C8orf34: variants seen among roughly 807,000 people sequenced by gnomAD.
C8orf34 encodes the protein chromosome 8 open reading frame 34.
C8orf34 carries 65 observed loss-of-function variants against 68.3 expected under a neutral mutation model. The ratio of observed to expected loss-of-function variants is 0.95; its 90% CI spans 0.78 to 1.17. C8orf34 has a LOEUF of 1.17. C8orf34 is among the 50% of genes most tolerant of loss of function. C8orf34 has a pLI of 0.00. For synonymous variants in C8orf34, 244 were observed against 241.2 expected, an observed-to-expected ratio of 1.01 and a Z score of -0.11; for missense variants, 664 against 655.4, an observed-to-expected ratio of 1.01 and a Z score of -0.14.
chr8:68,782,873 G>A (rs949790683), intron 11 of C8orf34, among the ~76,000 whole-genome samples: 2 of 151,518 alleles, frequency 1.3e-5, no homozygotes, highest in African/African-American at 2.4e-5. Context: ...TCTGGGCAAC[G>A]GAGAGAGACC....
chr8:68,526,586 A>G (rs1248619212), intron 6 of C8orf34, among the ~76,000 whole-genome samples: 3 of 152,292 alleles, frequency 2.0e-5, no homozygotes, highest in Middle Eastern at 3.4e-3. Context: ...GCTCTTACGC[A>G]TAAAAATCTA....
intron 7 of C8orf34, among the ~76,000 whole-genome samples, chr8:68,536,388 A>G (rs946621948): frequency 8.0e-5 from 12 of 149,594 alleles, no homozygotes; most frequent in South Asian, 4.2e-4. Context: ...AAAAAAGAAG[A>G]AAAAGAAAAG....
intron 1 of C8orf34, among the ~76,000 whole-genome samples, chr8:68,410,454 T>C (rs1809397578): frequency 1.3e-5 from 2 of 152,200 alleles, no homozygotes; most frequent in South Asian, 4.1e-4. Flanking sequence ...TTAAAGTATA[T>C]GGGAGGATGT....
At chr8:68,718,937 C>A (rs1175887114) in intron 9 of C8orf34, among the ~76,000 whole-genome samples, 1 of 152,042 alleles carries the variant, frequency 6.6e-6, no homozygotes, top group Non-Finnish European at 1.5e-5. Flanking sequence ...TAATATTTGA[C>A]AAATTTAGGG....
At chr8:68,722,811 A>T (rs1821712526) in intron 10 of C8orf34, among the ~76,000 whole-genome samples, 1 of 152,054 alleles carries the variant, frequency 6.6e-6, no homozygotes, top group African/African-American at 2.4e-5. Context: ...ATGTATGTTG[A>T]ATGCATAGTT....
intron 8 of C8orf34, among the ~76,000 whole-genome samples, chr8:68,643,008 G>T (rs564869684): frequency 1.3e-5 from 2 of 152,124 alleles, no homozygotes; most frequent in African/African-American, 4.8e-5. Flanking sequence ...CTTGCCTGCC[G>T]CTAACCTCCT....
intron 7 of C8orf34, among the ~76,000 whole-genome samples, chr8:68,604,063 A>G (rs1412102624): frequency 6.6e-6 from 1 of 152,156 alleles, no homozygotes; most frequent in Non-Finnish European, 1.5e-5. Context: ...TAAAAACACC[A>G]TGGAAATTCA....
At chr8:68,668,970 A>G (rs998063663) in intron 8 of C8orf34, among the ~76,000 whole-genome samples, 3 of 152,180 alleles carry the variant, frequency 2.0e-5, no homozygotes, top group African/African-American at 7.2e-5. Context: ...AGCCCAGCCA[A>G]TGACTTGATT....
intron 7 of C8orf34, among the ~76,000 whole-genome samples, chr8:68,621,781 T>G (rs1034177608): frequency 3.9e-5 from 6 of 152,234 alleles, no homozygotes; most frequent in Non-Finnish European, 5.9e-5. Flanking sequence ...CTTCAAGACT[T>G]CACTAAGAAT....
At chr8:68,815,790 A>G in intron 12 of C8orf34, 96 bp from the exon 13 acceptor site, 1 of 1,603,158 alleles carries the variant, frequency 6.2e-7, no homozygotes, top group South Asian at 1.1e-5. Flanking sequence ...ATTTCAATTA[A>G]TCTTCACTAG....
At chr8:68,534,019 G>A (rs945585600) in intron 7 of C8orf34, 1 of 969,852 alleles carries the variant, frequency 1.0e-6, no homozygotes. Context: ...ATAGAATATG[G>A]AATCTCAGAA....
intron 12 of C8orf34, among the ~76,000 whole-genome samples, chr8:68,799,434 T>G (rs1278528793): frequency 6.6e-6 from 1 of 152,214 alleles, no homozygotes; most frequent in Non-Finnish European, 1.5e-5. Flanking sequence ...GTATATTTTT[T>G]GTCACTGCAA....
intron 8 of C8orf34, among the ~76,000 whole-genome samples, chr8:68,687,945 T>C (rs917384890): frequency 2.0e-5 from 3 of 151,434 alleles, no homozygotes; most frequent in African/African-American, 7.3e-5. Flanking sequence ...AAAAAAATAA[T>C]AATTCCATCA....
At chr8:68,599,211 C>T (rs568863127) in intron 7 of C8orf34, among the ~76,000 whole-genome samples, 27 of 151,816 alleles carry the variant, frequency 1.8e-4, no homozygotes, top group Non-Finnish European at 2.9e-4. Flanking sequence ...GCTAAATATA[C>T]GTTTCTGAGA....
At chr8:68,413,769 T>A (rs1809544263) in intron 1 of C8orf34, among the ~76,000 whole-genome samples, 1 of 152,236 alleles carries the variant, frequency 6.6e-6, no homozygotes, top group Non-Finnish European at 1.5e-5. Flanking sequence ...AGTTCACTAG[T>A]TTCTGAAGAG....
chr8:68,345,512 C>T (rs1049850451), intron 1 of C8orf34, among the ~76,000 whole-genome samples: 2 of 151,904 alleles, frequency 1.3e-5, no homozygotes, highest in South Asian at 2.1e-4. Context: ...ACTGAATAAC[C>T]AATTTATAGG....
At chr8:68,783,343 C>A (rs2129528855) in intron 11 of C8orf34, among the ~76,000 whole-genome samples, 1 of 151,994 alleles carries the variant, frequency 6.6e-6, no homozygotes, top group African/African-American at 2.4e-5. Context: ...CATGGTGAAA[C>A]CCCGTCTCTA....
intron 8 of C8orf34, among the ~76,000 whole-genome samples, chr8:68,652,703 T>C (rs2130783198): frequency 6.6e-6 from 1 of 152,332 alleles, no homozygotes; most frequent in East Asian, 1.9e-4. Context: ...GTACCCTTTT[T>C]TGAAATCAGG....
chr8:68,515,172 C>T (rs559998381), intron 5 of C8orf34, among the ~76,000 whole-genome samples: 3 of 151,772 alleles, frequency 2.0e-5, no homozygotes, highest in Admixed American at 2.0e-4. Context: ...GTCAGTCATA[C>T]GATTTTCAAA....
Sources: allele counts gnomAD v4.1 joint callset (sites outside exome capture counted in the v4.1 genomes callset), GRCh38; gene constraint gnomAD v4.1.1; transcripts MANE v1.5; gene names NCBI Gene and HGNC (gene_info 2026-07-23, HGNC 2026-07-21).